Variants in GJA3 observed in about 807,000 individuals in gnomAD.
The protein encoded by GJA3 is gap junction alpha-3 protein.
For missense variants in GJA3, 571 were observed against 620.3 expected (o/e 0.92, Z 0.84); for synonymous variants, 297 against 292.6 (o/e 1.02, Z -0.15).
At position 20,142,238 on chromosome 13, in the gene GJA3, C is replaced by A. The variant is rs974958945; in HGVS notation, c.1051G>T (p.Ala351Ser). 1.3e-6 allele frequency: 2 copies of A among 1,533,072 alleles called. No homozygotes were observed. The highest frequency in any genetic ancestry group is 1.7e-6 in the Non-Finnish European group (2 of 1,144,524). 95.0% of individuals were successfully genotyped at this position (1,533,072 alleles called of 1,614,324 possible). The change falls in exon 2 of 2, where the codon GCC becomes TCC. Residue 351 changes from alanine (A) to serine (S), a missense_variant. Coordinates refer to ENST00000241125, the MANE Select transcript of GJA3 (RefSeq NM_021954.4). ...GAGCTGCTGCCGACGGGGCTGGGGG[C>A]TGCAGGCGTGGACGCTGCCGGGTAA... ...KAYPAASTPAAPSPVGSSSPP... is the reference protein window; with the variant it reads ...KAYPAASTPASPSPVGSSSPP...
chr13:20,146,519 G>A lies in GJA3; in HGVS notation c.-17-3214C>T, dbSNP rs531704611. ...ATATATGCCCTTGGAAGAGCCTTGC[G>A]ACCTCTGAGTGCAACCTACAAGAAT... On this transcript the variant is annotated intron_variant, in intron 1 of 1. Transcript: ENST00000241125. Among the ~76,000 whole-genome samples, 6 of 152,336 alleles carry A rather than the reference G, an allele frequency of 3.9e-5. No homozygotes were observed. In the South Asian group the frequency reaches 1.0e-3, roughly 26 times the overall value.
chr13:20,151,963 C>T (rs756869532), intron 1 of GJA3, among the ~76,000 whole-genome samples: 6 of 152,198 alleles, frequency 3.9e-5, no homozygotes, highest in African/African-American at 9.6e-5. Flanking sequence ...GGGCTGGTGT[C>T]GGGAGGGCAC....
chr13:20,143,008 C>A lies in GJA3; in HGVS notation c.281G>T (p.Gly94Val). 1.2e-6 allele frequency: 2 copies of A among 1,608,560 alleles called. No homozygotes were observed. The highest frequency in any genetic ancestry group is 1.7e-6 in the Non-Finnish European group (2 of 1,177,370). The change falls in exon 2 of 2, where the codon GGC (glycine) becomes GTC (valine). Residue 94 changes from glycine to valine, a missense_variant. Physicochemically the swap from Gly to Val is moderately radical, Grantham distance 109. Coordinates refer to ENST00000241125, the MANE Select transcript of GJA3 (RefSeq NM_021954.4). The part of the protein sequence containing the change: ...FVSTPTLIYL[G>V]HVLHIVRMEE... ...CATGCGCACGATGTGCAGCACGTGG[C>A]CCAGGTAGATGAGGGTGGGCGTGGA...
intron 1 of GJA3, among the ~76,000 whole-genome samples, chr13:20,156,253 G>A (rs9506434): frequency 0.27 from 37,842 of 140,044 alleles, 6,522 homozygotes; most frequent in African/African-American, 0.49. Flanking sequence ...GTCAAAGGGA[G>A]GAACTAATCT....
chr13:20,152,126 G>A (rs1339265511), intron 1 of GJA3, among the ~76,000 whole-genome samples: 1 of 152,100 alleles, frequency 6.6e-6, no homozygotes, highest in African/African-American at 2.4e-5. Context: ...TGTGGAAGCT[G>A]GAGGTGCACA....
intron 1 of GJA3, among the ~76,000 whole-genome samples, chr13:20,148,166 C>T (rs542386185): frequency 4.0e-5 from 6 of 151,764 alleles, no homozygotes; most frequent in East Asian, 1.9e-4. Context: ...CCAGCAGATG[C>T]GGTATCCACC....
chr13:20,140,036 C>T lies in GJA3; in HGVS notation c.*1945G>A, dbSNP rs1000657746. 1 of 152,172 alleles carries T rather than the reference C, an allele frequency of 6.6e-6. No individual in the cohort carries two copies. Among genetic ancestry groups the T allele is most frequent in the African/African-American group, 2.4e-5 (1 of 41,436 alleles). The allele number at this position is 152,172 out of a possible 1,614,324, so 9.4% of individuals were successfully genotyped here. On this transcript the variant is annotated 3_prime_UTR_variant, in exon 2 of 2. Coordinates refer to ENST00000241125, the MANE Select transcript of GJA3 (RefSeq NM_021954.4). The stretch of plus-strand genomic sequence containing the variant: ...TAGCAGCCCTTATCACTCACAAGAA[C>T]TAAGTCCTGCTGCCCTAGGCCTATG...
chr13:20,148,088 C>A (rs1400816429), intron 1 of GJA3, among the ~76,000 whole-genome samples: 1 of 152,008 alleles, frequency 6.6e-6, no homozygotes, highest in Non-Finnish European at 1.5e-5. Context: ...GAAAATTTAA[C>A]CAGAACACAG....
Position 20,140,486 on chromosome 13 carries a change from C to T in GJA3, c.*1495G>A, listed in dbSNP as rs1324857690. ...AAAAAGAAATGTATTACATTGGTCT[C>T]GCTGAACAAGGGCTAATGATACTCA... is the stretch of plus-strand genomic sequence containing the variant. On this transcript the variant is annotated 3_prime_UTR_variant, in exon 2 of 2. Transcript: ENST00000241125. 2 of 152,140 alleles carry T rather than the reference C, an allele frequency of 1.3e-5. No individual in the cohort carries two copies. Among genetic ancestry groups the T allele is most frequent in the African/African-American group, 4.8e-5 (2 of 41,432 alleles). 9.4% of individuals were successfully genotyped at this position (152,140 alleles called of 1,614,324 possible).
At chr13:20,152,063 C>T (rs1418643658) in intron 1 of GJA3, among the ~76,000 whole-genome samples, 1 of 152,026 alleles carries the variant, frequency 6.6e-6, no homozygotes, top group Non-Finnish European at 1.5e-5. Flanking sequence ...AAGAAAATGG[C>T]GATCATGAAT....
intron 1 of GJA3, among the ~76,000 whole-genome samples, chr13:20,157,768 T>C (rs888800921): frequency 6.6e-6 from 1 of 152,242 alleles, no homozygotes; most frequent in African/African-American, 2.4e-5. Flanking sequence ...ACTTTTTTTT[T>C]CCAGTCCAGA....
chr13:20,160,021 A>G (rs180905507), intron 1 of GJA3, among the ~76,000 whole-genome samples: 4 of 152,284 alleles, frequency 2.6e-5, no homozygotes, highest in Admixed American at 2.0e-4. Flanking sequence ...TCATTTTTAA[A>G]TGGCATGTTT....
chr13:20,154,304 A>G (rs1183208834), intron 1 of GJA3, among the ~76,000 whole-genome samples: 1 of 152,204 alleles, frequency 6.6e-6, no homozygotes, highest in African/African-American at 2.4e-5. Context: ...AAGTTCTCAC[A>G]CATCTATTAG....
chr13:20,156,962 G>A (rs931362679), intron 1 of GJA3, among the ~76,000 whole-genome samples: 5 of 152,172 alleles, frequency 3.3e-5, no homozygotes, highest in Admixed American at 2.0e-4. Flanking sequence ...TCTCCCAGTG[G>A]AGCCCTCTGG....
chr13:20,161,263 C>A (rs1958936556), upstream of GJA3, among the ~76,000 whole-genome samples: 1 of 152,196 alleles, frequency 6.6e-6, no homozygotes, highest in African/African-American at 2.4e-5. Flanking sequence ...CCCCATCCCG[C>A]ACCTGCGCGG....
intron 1 of GJA3, among the ~76,000 whole-genome samples, chr13:20,154,595 A>C (rs1958897638): frequency 6.6e-6 from 1 of 152,170 alleles, no homozygotes; most frequent in Non-Finnish European, 1.5e-5. Flanking sequence ...CTAGCATAAT[A>C]CGGTGTGGTA....
At chr13:20,153,704 G>C (rs976485457) in intron 1 of GJA3, among the ~76,000 whole-genome samples, 1 of 151,662 alleles carries the variant, frequency 6.6e-6, no homozygotes, top group Admixed American at 6.6e-5. Flanking sequence ...AACAGGTGCA[G>C]CACACCAACG....
In GJA3 at chr13:20,146,550, C is replaced by T. The variant is rs149792315; in HGVS notation, c.-17-3245G>A. Among the ~76,000 whole-genome samples the T allele has an allele frequency of 1.6e-3, 237 of 152,324 alleles. 1 individual carries two copies. The highest frequency in any genetic ancestry group is 5.5e-3 in the African/African-American group (227 of 41,562). On this transcript the variant is annotated intron_variant, in intron 1 of 1. Coordinates refer to ENST00000241125, the MANE Select transcript of GJA3 (RefSeq NM_021954.4). ...TGAGTGCAACCTACAAGAATGATGA[C>T]CAGCCACCAGCCAGACCCTTGCTTG...
chr13:20,157,196 C>T (rs1447150207), intron 1 of GJA3, among the ~76,000 whole-genome samples: 4 of 152,138 alleles, frequency 2.6e-5, no homozygotes, highest in African/African-American at 9.7e-5. Context: ...ACCCCACTTT[C>T]TGAGGGGTGG....
Sources: gnomAD v4.1 joint callset for allele counts (sites outside exome capture counted in the v4.1 genomes callset) on GRCh38, gnomAD v4.1.1 for gene constraint, MANE v1.5 for transcripts, NCBI Gene and HGNC (gene_info 2026-07-23, HGNC 2026-07-21) for gene names.